DLGAP4: variants seen among roughly 807,000 people sequenced by gnomAD.
The protein encoded by DLGAP4 is disks large-associated protein 4.
DLGAP4 carries 18 observed loss-of-function variants against 86.9 expected under a neutral mutation model. The ratio of observed to expected loss-of-function variants is 0.21; its 90% CI spans 0.14 to 0.31. The LOEUF (loss-of-function observed/expected upper bound fraction) is 0.31, where lower values mean the gene tolerates loss of function less well. Among genes scored for constraint, DLGAP4 ranks in the 10% least tolerant of loss-of-function variants. The probability of loss-of-function intolerance (pLI) is 1.00; values close to 1 mark genes in which losing one functional copy is unlikely to be tolerated. For synonymous variants in DLGAP4, 548 were observed against 574.3 expected (o/e 0.95, Z 0.65); for missense variants, 1,085 against 1,362.6 (o/e 0.80, Z 3.21).
At chr20:36,349,279 G>T (rs191090982) in intron 1 of DLGAP4, among the ~76,000 whole-genome samples, 2 of 151,842 alleles carry the variant, frequency 1.3e-5, no homozygotes, top group South Asian at 2.1e-4. Context: ...ATAGCCAGGC[G>T]TGGTGGCAGG....
intron 7 of DLGAP4, chr20:36,462,712 G>A: frequency 7.2e-7 from 1 of 1,387,600 alleles, no homozygotes; most frequent in Non-Finnish European, 9.6e-7. Flanking sequence ...AGGGGGCTCT[G>A]AGGCCTCCCA....
At chr20:36,457,035 A>G (rs924500346) in intron 7 of DLGAP4, among the ~76,000 whole-genome samples, 9 of 152,186 alleles carry the variant, frequency 5.9e-5, no homozygotes, top group African/African-American at 1.7e-4. Context: ...CCTTGCCTTC[A>G]TGGAGATTGT....
At chr20:36,457,624 G>A (rs113248741) in intron 7 of DLGAP4, among the ~76,000 whole-genome samples, 1,959 of 145,388 alleles carry the variant, frequency 0.013, 44 homozygotes, top group African/African-American at 0.047. Flanking sequence ...CAGGTAATCC[G>A]CCTGCCTTGG....
intron 1 of DLGAP4, among the ~76,000 whole-genome samples, chr20:36,347,372 CA>C (rs1257778531): frequency 1.3e-4 from 20 of 152,196 alleles, no homozygotes; most frequent in East Asian, 1.2e-3. Flanking sequence ...AGAGAGGAGT[CA>C]GGGGGCAGAT....
chr20:36,385,488 G>A lies in DLGAP4; in HGVS notation c.-73+18213G>A, dbSNP rs187924225. On this transcript the variant is annotated intron_variant, in intron 2 of 12. Coordinates refer to ENST00000339266, the MANE Select transcript of DLGAP4 (RefSeq NM_001365621.2). ...AGGAAGCACAGCAAGAAGCAAAAGT[G>A]CAAAAGGGCCTAGAACTGATGCCCT... is the stretch of plus-strand genomic sequence containing the variant. 2.6e-5 allele frequency among the ~76,000 whole-genome samples: 4 copies of A among 152,290 alleles called. No individual in the cohort carries two copies. The East Asian group carries it at 7.7e-4, about 29-fold the overall frequency.
At chr20:36,456,362 A>G (rs1365505505) in intron 7 of DLGAP4, among the ~76,000 whole-genome samples, 2 of 152,160 alleles carry the variant, frequency 1.3e-5, no homozygotes, top group African/African-American at 4.8e-5. Context: ...AAGCATGGGT[A>G]ATGAAGGTAT....
At chr20:36,395,855 G>T (rs906915531) in intron 2 of DLGAP4, among the ~76,000 whole-genome samples, 2 of 152,154 alleles carry the variant, frequency 1.3e-5, no homozygotes, top group African/African-American at 4.8e-5. Flanking sequence ...ACACATATTT[G>T]ATCGCTTATG....
intron 7 of DLGAP4, among the ~76,000 whole-genome samples, chr20:36,474,431 TTC>T (rs769076845): frequency 6.6e-6 from 1 of 152,074 alleles, no homozygotes; most frequent in Non-Finnish European, 1.5e-5. Context: ...GGAGCTAGAG[TTC>T]TCTCTGCAGG....
intron 2 of DLGAP4, among the ~76,000 whole-genome samples, chr20:36,408,890 T>G (rs2032403238): frequency 6.6e-6 from 1 of 152,224 alleles, no homozygotes; most frequent in African/African-American, 2.4e-5. Context: ...GTTTAGTTAA[T>G]AGTAATGTAC....
intron 10 of DLGAP4, 23 bp from the exon 11 acceptor site, chr20:36,524,227 T>C (rs758117419): frequency 1.2e-6 from 2 of 1,605,358 alleles, no homozygotes; most frequent in Non-Finnish European, 1.7e-6. Context: ...TAAATCAGTC[T>C]TTTTCCACCC....
At chr20:36,445,900 G>A (rs1871148486) in intron 6 of DLGAP4, among the ~76,000 whole-genome samples, 1 of 152,152 alleles carries the variant, frequency 6.6e-6, no homozygotes, top group Non-Finnish European at 1.5e-5. Context: ...GCATGGTGAG[G>A]CCCCTCAATG....
chr20:36,385,930 A>T (rs946493805), intron 2 of DLGAP4, among the ~76,000 whole-genome samples: 1 of 152,216 alleles, frequency 6.6e-6, no homozygotes, highest in Non-Finnish European at 1.5e-5. Context: ...CTCTGGGCCC[A>T]GAGATCTAGC....
chr20:36,370,495 A>G (rs115639075), intron 2 of DLGAP4, among the ~76,000 whole-genome samples: 11 of 151,890 alleles, frequency 7.2e-5, no homozygotes, highest in African/African-American at 2.7e-4. Flanking sequence ...CAAAAAAAAA[A>G]GTATTAAAGG....
intron 2 of DLGAP4, among the ~76,000 whole-genome samples, chr20:36,369,830 G>T (rs1250208061): frequency 2.0e-5 from 3 of 152,186 alleles, no homozygotes. Flanking sequence ...AATAGCTAAT[G>T]TTTATTGAGC....
At chr20:36,447,012 C>T in intron 7 of DLGAP4, 75 bp downstream of exon 7, 1 of 1,521,482 alleles carries the variant, frequency 6.6e-7, no homozygotes, top group Admixed American at 2.0e-5. Context: ...GAGGGCCAGC[C>T]TGGGAGGATA....
In DLGAP4 at chr20:36,308,108, G is replaced by C. The variant is rs546808351; in HGVS notation, c.-304+1596G>C. On this transcript the variant is annotated intron_variant, in intron 1 of 12. Coordinates refer to ENST00000339266, the MANE Select transcript of DLGAP4 (RefSeq NM_001365621.2). The surrounding 1 kb of genome is among the most constrained non-coding windows in gnomAD (Gnocchi z 4.5). ...GTGTGTTCCCAGCAGCTCCGGAGAC[G>C]CTGGCTGTGCACGTGGGGCTGGCTA... Among the ~76,000 whole-genome samples the C allele has an allele frequency of 2.0e-5, 3 of 152,338 alleles. No homozygotes were observed. The East Asian group carries it at 5.8e-4, about 29-fold the overall frequency.
chr20:36,334,599 G>A (rs550313146), intron 1 of DLGAP4, among the ~76,000 whole-genome samples: 11 of 152,166 alleles, frequency 7.2e-5, no homozygotes, highest in African/African-American at 2.7e-4. Flanking sequence ...GGCCTGAATC[G>A]GGACAGGGGC....
chr20:36,525,254 A>AAAAAAAAAAAAAAAAAAAAAAAAAAAC lies in DLGAP4; in HGVS notation c.2605-597_2605-596insAAAAAAAAAAAAAAAAAAAAAAAAAAC, dbSNP rs1569527332. ...AAAAAAAAAAAAAAAAAAAAAAAAA[A>AAAAAAAAAAAAAAAAAAAAAAAAAAAC]CAAAGAAATCCCACTGCTGGGATTG... On this transcript the variant is annotated intron_variant, in intron 11 of 12. Transcript: ENST00000339266. 3.2e-5 allele frequency among the ~76,000 whole-genome samples: 2 copies of AAAAAAAAAAAAAAAAAAAAAAAAAAAC among 62,464 alleles called. 1 individual carries two copies. Among genetic ancestry groups the AAAAAAAAAAAAAAAAAAAAAAAAAAAC allele is most frequent in the African/African-American group, 7.5e-5 (2 of 26,650 alleles). The allele number at this position is 62,464 out of a possible 152,430, so 41.0% of individuals were successfully genotyped here.
chr20:36,472,192 T>C (rs1452977426), intron 7 of DLGAP4, among the ~76,000 whole-genome samples: 1 of 152,110 alleles, frequency 6.6e-6, no homozygotes, highest in African/African-American at 2.4e-5. Flanking sequence ...TAATTTAAAA[T>C]GACATTTAAA....
Sources: gnomAD v4.1 joint callset for allele counts (sites outside exome capture counted in the v4.1 genomes callset) on GRCh38, gnomAD v4.1.1 for gene constraint, Gnocchi (gnomAD v3.1) non-coding constraint, MANE v1.5 for transcripts, NCBI Gene and HGNC (gene_info 2026-07-23, HGNC 2026-07-21) for gene names.